The following PCNT variants were observed in gnomAD, a reference collection of about 807,000 sequenced individuals.
PCNT encodes kendrin.
PCNT carries 319 observed loss-of-function variants against 380.4 expected under a neutral mutation model. That is an observed-to-expected ratio of 0.84 (90% CI 0.77 to 0.92). PCNT has a LOEUF of 0.92. Ranked by LOEUF, PCNT falls within the 40% of genes least tolerant of loss-of-function variation. The pLI is 0.00. For missense variants in PCNT, 4,400 were observed against 4,255.3 expected (o/e 1.03, Z -0.95); for synonymous variants, 1,845 against 1,735.2 (o/e 1.06, Z -1.57).
At position 46,388,126 on chromosome 21, in the gene PCNT, C is replaced by T. The variant is rs547946532; in HGVS notation, c.3465-616C>T. Among the ~76,000 whole-genome samples, 8 of 151,904 alleles carry T rather than the reference C, an allele frequency of 5.3e-5. No individual in the cohort carries two copies. Among genetic ancestry groups the T allele is most frequent in the South Asian group, 2.1e-4 (1 of 4,820 alleles). On this transcript the variant is annotated intron_variant, in intron 17 of 46. Transcript: ENST00000359568. This position sits in a 1 kb window ranked among gnomAD's most constrained non-coding sequence, Gnocchi z 4.2. ...TCGGGAGGCTGAGGCAGGAGAAAGG[C>T]GTGAACCCGGGAGGTGGAGCTTGCA...
At chr21:46,414,501 CCTT>C (rs1250097628) in intron 29 of PCNT, among the ~76,000 whole-genome samples, 22 of 150,062 alleles carry the variant, frequency 1.5e-4, no homozygotes, top group African/African-American at 3.9e-4. Context: ...TCTTCCTCCT[CCTT>C]CTCGACACAC....
chr21:46,408,392 G>A (rs1028417274), intron 27 of PCNT, among the ~76,000 whole-genome samples: 1 of 152,194 alleles, frequency 6.6e-6, no homozygotes, highest in Non-Finnish European at 1.5e-5. Context: ...GAAAATAAAT[G>A]TTCACTTCTT....
At chr21:46,345,187 A>G (rs1232754343) in intron 3 of PCNT, among the ~76,000 whole-genome samples, 3 of 151,984 alleles carry the variant, frequency 2.0e-5, no homozygotes, top group Non-Finnish European at 4.4e-5. Flanking sequence ...GCGTGGGGAG[A>G]GTCCACAGCT....
In PCNT at chr21:46,348,915, G is replaced by A. The variant is rs541441784; in HGVS notation, c.1033-97G>A. The A allele has an allele frequency of 5.7e-5, 48 of 838,324 alleles. No homozygotes were observed. The African/African-American group carries it at 5.9e-4, about 10-fold the overall frequency. The allele number at this position is 838,324 out of a possible 1,614,324, so 51.9% of individuals were successfully genotyped here. A position where few individuals can be genotyped will look rare whatever the true frequency, so the allele number is the denominator to read the frequency against. On this transcript the variant is annotated intron_variant, in intron 6 of 46. Coordinates refer to ENST00000359568, the MANE Select transcript of PCNT (RefSeq NM_006031.6). ...TGCTGGGATTAGAGGCATGAGCCAC[G>A]TTGCCTGGCCTGCTCAGAGGTTTTG...
At chr21:46,427,500 C>A in intron 33 of PCNT, 122 bp from the exon 34 acceptor site, 3 of 1,067,712 alleles carry the variant, frequency 2.8e-6, no homozygotes, top group Non-Finnish European at 4.3e-6. Flanking sequence ...CTTAAGAGGC[C>A]TCATTTACCC....
rs1225828617 is a variant in PCNT at position 46,411,498 on chromosome 21, C to G, written c.5425C>G (p.Gln1809Glu). ...GGCCCTGAGCCGGCTGCTGGCTGAC[C>G]AGGAGCGCAGGCACAGCCAGGCCCT... ...KEALSRLLAD[Q>E]ERRHSQALEA... is the part of the protein sequence containing the mutation. The change falls in exon 28 of 47, where the codon CAG (glutamine) becomes GAG (glutamate). Residue 1809 changes from glutamine to glutamate, a missense_variant. Coordinates refer to ENST00000359568, the MANE Select transcript of PCNT (RefSeq NM_006031.6). 20 of 1,609,326 alleles carry G rather than the reference C, an allele frequency of 1.2e-5. No individual in the cohort carries two copies. The highest frequency in any genetic ancestry group is 1.7e-4 in the Middle Eastern group (1 of 5,786).
rs2146921088 is a variant in PCNT at position 46,366,690 on chromosome 21, G to A, written c.2716G>A (p.Glu906Lys). 8 of 1,613,880 alleles carry A rather than the reference G, an allele frequency of 5.0e-6. No individual in the cohort carries two copies. The Admixed American group carries it at 6.7e-5, about 13-fold the overall frequency. ...TGCCCGTGAGCTGCAGCTCCTCCAG[G>A]AGAGACACCAGCAGCAGCTCCTGTC... ...QHARELQLLQ[E>K]RHQQQLLSVT... The change falls in exon 15 of 47, where the codon GAG becomes AAG. Residue 906 changes from glutamate (E) to lysine (K), a missense_variant. Glu to Lys is a moderately conservative substitution (Grantham distance 56). Coordinates refer to ENST00000359568, the MANE Select transcript of PCNT (RefSeq NM_006031.6).
intron 15 of PCNT, among the ~76,000 whole-genome samples, chr21:46,371,768 C>T (rs1363866255): frequency 6.6e-6 from 1 of 152,254 alleles, no homozygotes; most frequent in Non-Finnish European, 1.5e-5. Flanking sequence ...TGCTGGTCTG[C>T]ATGATGAGCA....
rs1569312521 is a variant in PCNT, at chr21:46,441,079, AT to A, written c.9620del (p.Leu3207Ter). The A allele has an allele frequency of 6.3e-7, 1 of 1,594,336 alleles. No individual in the cohort carries two copies. Among genetic ancestry groups the A allele is most frequent in the South Asian group, 1.1e-5 (1 of 90,668 alleles). On this transcript the variant is annotated frameshift_variant, in exon 43 of 47. Coordinates refer to ENST00000359568, the MANE Select transcript of PCNT (RefSeq NM_006031.6). LOFTEE classifies it high-confidence loss of function. ...RTAVRVVIAI[L>X]RLRFLVKKWQ... ...CGGCCGTCAGGGTGGTCATTGCAAT[AT>A]TAAGGTAAATGCCATGACGTTCAGT... is the stretch of plus-strand genomic sequence containing the variant.
Position 46,402,600 on chromosome 21 carries a change from C to T in PCNT, c.5115+117C>T. 4 of 1,075,110 alleles carry T rather than the reference C, an allele frequency of 3.7e-6. No homozygotes were observed. The South Asian group carries it at 5.1e-5, about 14-fold the overall frequency. 66.6% of individuals were successfully genotyped at this position (1,075,110 alleles called of 1,614,324 possible). A position where few individuals can be genotyped will look rare whatever the true frequency, so the allele number is the denominator to read the frequency against. On this transcript the variant is annotated intron_variant, in intron 27 of 46. Coordinates refer to ENST00000359568, the MANE Select transcript of PCNT (RefSeq NM_006031.6). ...TCTGGTCTTCACAGACGCCCGTGGC[C>T]CCCATGTGGCAGACAGTGCAGAGAG...
Position 46,357,192 on chromosome 21 carries a change from G to C in PCNT, c.2154+1G>C. 6.2e-7 allele frequency: 1 copy of C among 1,603,070 alleles called. No individual in the cohort carries two copies. The highest frequency in any genetic ancestry group is 1.1e-5 in the South Asian group (1 of 90,904). ...TCGTCTGAAGGACGATTTGGAGAAG[G>C]TGAGTCGTGACTCCACAGCCCAGCG... On this transcript the variant is annotated splice_donor_variant, in intron 13 of 46. Transcript: ENST00000359568. LOFTEE classifies it high-confidence loss of function.
intron 37 of PCNT, 27 bp from the exon 38 acceptor site, chr21:46,431,502 C>CT (rs1181222825): frequency 1.9e-6 from 3 of 1,613,730 alleles, no homozygotes; most frequent in Non-Finnish European, 2.5e-6. Flanking sequence ...GATTCAGTGT[C>CT]TCCCATCGTA....
intron 31 of PCNT, among the ~76,000 whole-genome samples, chr21:46,420,326 C>A (rs1343708060): frequency 6.6e-6 from 1 of 152,180 alleles, no homozygotes; most frequent in Non-Finnish European, 1.5e-5. Context: ...ATTTCTACTT[C>A]TTTTATTTTT....
At chr21:46,419,920 T>G (rs1204426248) in intron 31 of PCNT, among the ~76,000 whole-genome samples, 1 of 152,170 alleles carries the variant, frequency 6.6e-6, no homozygotes, top group Non-Finnish European at 1.5e-5. Flanking sequence ...CCCTCTTTTT[T>G]AAGGAAACAT....
rs1569318449 is a variant in PCNT at position 46,445,369 on chromosome 21, GAA to G, written c.*45_*46del. The G allele has an allele frequency of 6.7e-7, 1 of 1,491,356 alleles. No homozygotes were observed. Among genetic ancestry groups the G allele is most frequent in the Non-Finnish European group, 9.4e-7 (1 of 1,067,960 alleles). 92.4% of individuals were successfully genotyped at this position (1,491,356 alleles called of 1,614,324 possible). On this transcript the variant is annotated 3_prime_UTR_variant, in exon 47 of 47. Transcript: ENST00000359568. Reference sequence around the variant, plus strand: ...CTTTCCTGCGACAATTCTATTTGAGGAAAAGATTTGTTTTTCCCTTTTCCCAA... The same window carrying G: ...CTTTCCTGCGACAATTCTATTTGAGGAAGATTTGTTTTTCCCTTTTCCCAA...
At chr21:46,430,431 C>A (rs1402321383) in intron 36 of PCNT, 76 bp from the exon 37 acceptor site, 1 of 1,526,832 alleles carries the variant, frequency 6.5e-7, no homozygotes, top group African/African-American at 1.4e-5. Context: ...GCTCTGCCTC[C>A]CCTCCTGGAG....
chr21:46,402,541 G>GC, intron 27 of PCNT, 58 bp downstream of exon 27: 1 of 1,585,806 alleles, frequency 6.3e-7, no homozygotes, highest in Non-Finnish European at 8.7e-7. Flanking sequence ...CCGGTGCCGA[G>GC]CGGCCACCAA....
intron 37 of PCNT, chr21:46,431,222 T>G (rs1601187182): frequency 8.1e-7 from 1 of 1,242,074 alleles, no homozygotes; most frequent in Non-Finnish European, 1.0e-6. Flanking sequence ...TCTGGTGGAG[T>G]GATTTTCTGG....
At chr21:46,438,415 C>T (rs1346906761) in intron 41 of PCNT, 78 bp downstream of exon 41, 22 of 1,376,786 alleles carry the variant, frequency 1.6e-5, no homozygotes, top group East Asian at 2.3e-5. Flanking sequence ...CACAAGAGGC[C>T]GGGCTCCCTT....
Sources: allele counts gnomAD v4.1 joint callset (sites outside exome capture counted in the v4.1 genomes callset), GRCh38; gene constraint gnomAD v4.1.1; non-coding constraint Gnocchi (gnomAD v3.1); transcripts MANE v1.5; gene names NCBI Gene and HGNC (gene_info 2026-07-23, HGNC 2026-07-21).